Variants in CYP26B1 observed in about 807,000 individuals in gnomAD.
CYP26B1 encodes cytochrome P450 family 26 subfamily B member 1, also known as cytochrome P450 26B1.
In CYP26B1, 8 loss-of-function variants were observed where a neutral mutation model predicts 39.1. The observed-to-expected ratio is 0.20, with a 90% CI of 0.12 to 0.37. CYP26B1 has a LOEUF of 0.37. CYP26B1 is among the 10% of genes least tolerant of loss of function. The pLI is 1.00. For missense variants in CYP26B1, 615 were observed against 707.0 expected (o/e 0.87, Z 1.48); for synonymous variants, 321 against 314.3 (o/e 1.02, Z -0.23).
intron 1 of CYP26B1, among the ~76,000 whole-genome samples, chr2:72,145,288 G>A (rs970123344): frequency 6.6e-6 from 1 of 152,142 alleles, no homozygotes; most frequent in Non-Finnish European, 1.5e-5. Flanking sequence ...CCAGCTAAAT[G>A]TGCACACACG....
chr2:72,137,314 G>T (rs1442221842), intron 2 of CYP26B1, among the ~76,000 whole-genome samples: 1 of 152,194 alleles, frequency 6.6e-6, no homozygotes, highest in East Asian at 1.9e-4. Context: ...TGTGATCATG[G>T]CCAAGTGGCT....
intron 2 of CYP26B1, among the ~76,000 whole-genome samples, chr2:72,137,722 G>A (rs1354502657): frequency 6.6e-6 from 1 of 152,218 alleles, no homozygotes; most frequent in African/African-American, 2.4e-5. Flanking sequence ...AGTCTAGGAA[G>A]AGAGAAGGGC....
chr2:72,146,259 T>A (rs1438941175), intron 1 of CYP26B1, among the ~76,000 whole-genome samples: 5 of 151,866 alleles, frequency 3.3e-5, no homozygotes, highest in African/African-American at 1.2e-4. Flanking sequence ...GTTGCCCAAG[T>A]TATTTTATTT....
chr2:72,135,136 G>T lies in CYP26B1; in HGVS notation c.705+8C>A. On this transcript the variant is annotated splice_region_variant and intron_variant, in intron 3 of 5. Coordinates refer to ENST00000001146, the MANE Select transcript of CYP26B1 (RefSeq NM_019885.4). ...CTGCTCCTCTCCTCCCAGGCCCTGG[G>T]TGCTCACCCGCCGGTAGCCACTGAA... 6.2e-7 allele frequency: 1 copy of T among 1,612,616 alleles called. No individual in the cohort carries two copies. Among genetic ancestry groups the T allele is most frequent in the Non-Finnish European group, 8.5e-7 (1 of 1,179,936 alleles).
In CYP26B1 at chr2:72,134,634, G is replaced by A. The variant is rs1022440833; in HGVS notation, c.861+127C>T. The stretch of plus-strand genomic sequence containing the variant: ...TCCAGTTTCAAGGTCTCCAGCCACT[G>A]CTCAGAAAGCATGTGTGGGGCCAGA... On this transcript the variant is annotated intron_variant, in intron 4 of 5. Coordinates refer to ENST00000001146, the MANE Select transcript of CYP26B1 (RefSeq NM_019885.4). The A allele has an allele frequency of 7.2e-5, 103 of 1,437,348 alleles. No homozygotes were observed. In the African/African-American group the frequency reaches 1.2e-3, roughly 17 times the overall value. 89.0% of individuals were successfully genotyped at this position (1,437,348 alleles called of 1,614,324 possible).
intron 2 of CYP26B1, among the ~76,000 whole-genome samples, chr2:72,135,737 G>C (rs1034346313): frequency 3.9e-5 from 6 of 152,184 alleles, no homozygotes; most frequent in African/African-American, 1.4e-4. Context: ...AGGGAAGTAG[G>C]GGAAGGCCAT....
rs1267643221 is a variant in CYP26B1, at chr2:72,132,083, G to C, written c.*144C>G. 1 of 945,618 alleles carries C rather than the reference G, an allele frequency of 1.1e-6. No homozygotes were observed. Among genetic ancestry groups the C allele is most frequent in the Non-Finnish European group, 1.6e-6 (1 of 636,374 alleles). 58.6% of individuals were successfully genotyped at this position (945,618 alleles called of 1,614,324 possible). A position where few individuals can be genotyped will look rare whatever the true frequency, so the allele number is the denominator to read the frequency against. On this transcript the variant is annotated 3_prime_UTR_variant, in exon 6 of 6. Transcript: ENST00000001146. ...AATGGGGCCCACTGGCTTTGGGTAG[G>C]GTTTGCCAGGGAGGGGGAGCAAGGG...
At chr2:72,132,749 G>A in intron 5 of CYP26B1, 130 bp from the exon 6 acceptor site, 1 of 1,474,608 alleles carries the variant, frequency 6.8e-7, no homozygotes, top group Non-Finnish European at 9.0e-7. Flanking sequence ...ACCCCACTGT[G>A]GCCCCCAAGG....
chr2:72,134,945 G>A (rs768179624), intron 3 of CYP26B1, 29 bp from the exon 4 acceptor site: 3 of 1,611,916 alleles, frequency 1.9e-6, no homozygotes, highest in Non-Finnish European at 1.7e-6. Flanking sequence ...TCACTCATAT[G>A]GAAGGGCAGG....
In CYP26B1 at chr2:72,131,851, G is replaced by A. The variant is rs945809943; in HGVS notation, c.*376C>T. 3.8e-4 allele frequency: 85 copies of A among 223,402 alleles called. 1 individual carries two copies. The highest frequency in any genetic ancestry group is 2.6e-3 in the Admixed American group (48 of 18,772). 13.8% of individuals were successfully genotyped at this position (223,402 alleles called of 1,614,324 possible). A position where few individuals can be genotyped will look rare whatever the true frequency, so the allele number is the denominator to read the frequency against. On this transcript the variant is annotated 3_prime_UTR_variant, in exon 6 of 6. Transcript: ENST00000001146. ...CGCCCAAGGGGGCACGGCTCTTCCC[G>A]TCCCCCAACCCCAGCTAAAAGGGTC...
chr2:72,132,649 T>A, intron 5 of CYP26B1, 30 bp from the exon 6 acceptor site: 2 of 1,572,512 alleles, frequency 1.3e-6, no homozygotes, highest in Non-Finnish European at 1.7e-6. Flanking sequence ...GAGGAGTGGG[T>A]GGTGAGAGCC....
Position 72,131,952 on chromosome 2 carries a change from C to T in CYP26B1, c.*275G>A. ...AGCACGCGCTGACACCTAACACTGT[C>T]ACGGGCATGCAGAGCCCCTGCCACG... is the stretch of plus-strand genomic sequence containing the variant. On this transcript the variant is annotated 3_prime_UTR_variant, in exon 6 of 6. Coordinates refer to ENST00000001146, the MANE Select transcript of CYP26B1 (RefSeq NM_019885.4). 1.8e-6 allele frequency: 1 copy of T among 545,754 alleles called. No individual in the cohort carries two copies. Among genetic ancestry groups the T allele is most frequent in the Non-Finnish European group, 3.3e-6 (1 of 302,258 alleles). 33.8% of individuals were successfully genotyped at this position (545,754 alleles called of 1,614,324 possible).
At chr2:72,134,269 G>A (rs1558967089) in intron 4 of CYP26B1, among the ~76,000 whole-genome samples, 1 of 150,384 alleles carries the variant, frequency 6.6e-6, no homozygotes, top group Non-Finnish European at 1.5e-5. Flanking sequence ...AGCAGGGCAA[G>A]CAGGTCCTGC....
chr2:72,143,553 G>A (rs1414203195), intron 2 of CYP26B1, among the ~76,000 whole-genome samples: 1 of 152,176 alleles, frequency 6.6e-6, no homozygotes, highest in Non-Finnish European at 1.5e-5. Context: ...GCCTGCCCGC[G>A]ACTCCCTTCA....
rs138135896 is a variant in CYP26B1, at chr2:72,132,542, G to A, written c.1224C>T (p.Asp408=). 37 of 1,609,456 alleles carry A rather than the reference G, an allele frequency of 2.3e-5. No homozygotes were observed. The African/African-American group carries it at 2.8e-4, about 12-fold the overall frequency. ...DTHDTAPVFK[D]VNVFDPDRFS... is the part of the protein sequence containing the mutation. ...AGCGATCGGGGTCGAACACGTTCAC[G>A]TCTTTGAACACGGGCGCTGTGTCAT... The change falls in exon 6 of 6, where the codon GAC becomes GAT. Residue 408 remains aspartate, a synonymous_variant. Coordinates refer to ENST00000001146, the MANE Select transcript of CYP26B1 (RefSeq NM_019885.4).
chr2:72,132,557 C>A lies in CYP26B1; in HGVS notation c.1209G>T (p.Ala403=), dbSNP rs555351236. 1.2e-6 allele frequency: 2 copies of A among 1,609,350 alleles called. No homozygotes were observed. The highest frequency in any genetic ancestry group is 1.7e-6 in the Non-Finnish European group (2 of 1,176,874). Residue 403 remains alanine, a synonymous_variant, in exon 6 of 6, where the codon GCG becomes GCT. Coordinates refer to ENST00000001146, the MANE Select transcript of CYP26B1 (RefSeq NM_019885.4). ...ACACGTTCACGTCTTTGAACACGGG[C>A]GCTGTGTCATGGGTGTCCCGGATGC... is the stretch of plus-strand genomic sequence containing the variant. The part of the protein sequence containing the change: ...MYSIRDTHDT[A]PVFKDVNVFD...
chr2:72,135,081 C>T (rs1193892796), intron 3 of CYP26B1, 63 bp downstream of exon 3: 1 of 1,608,506 alleles, frequency 6.2e-7, no homozygotes, highest in African/African-American at 1.3e-5. Flanking sequence ...GTCAGCCACC[C>T]ACCCCCAGAG....
Position 72,132,636 on chromosome 2 carries a change from G to T in CYP26B1, c.1147-17C>A. On this transcript the variant is annotated splice_polypyrimidine_tract_variant and intron_variant, in intron 5 of 5. Coordinates refer to ENST00000001146, the MANE Select transcript of CYP26B1 (RefSeq NM_019885.4). ...CTGGAAACCCTGGAGCAAGATGGGG[G>T]CCGAGGAGTGGGTGGTGAGAGCCAG... 6.3e-7 allele frequency: 1 copy of T among 1,584,160 alleles called. No individual in the cohort carries two copies. Among genetic ancestry groups the T allele is most frequent in the Non-Finnish European group, 8.6e-7 (1 of 1,165,342 alleles).
chr2:72,136,064 CG>C (rs1393595487), intron 2 of CYP26B1, among the ~76,000 whole-genome samples: 2 of 130,172 alleles, frequency 1.5e-5, no homozygotes, highest in Non-Finnish European at 3.5e-5. Flanking sequence ...TCCGTCCTCC[CG>C]GCTGGCTGCG....
Sources: gnomAD v4.1 joint callset for allele counts (sites outside exome capture counted in the v4.1 genomes callset) on GRCh38, gnomAD v4.1.1 for gene constraint, MANE v1.5 for transcripts, NCBI Gene and HGNC (gene_info 2026-07-23, HGNC 2026-07-21) for gene names.